CNTN5: variants seen among roughly 807,000 people sequenced by gnomAD.
CNTN5 encodes the protein contactin-5.
Under a neutral mutation model 129.1 loss-of-function variants are expected in CNTN5, and 77 were observed. The ratio of observed to expected loss-of-function variants is 0.60; its 90% CI spans 0.50 to 0.72. The LOEUF (loss-of-function observed/expected upper bound fraction) is 0.72, where lower values mean the gene tolerates loss of function less well. Ranked by LOEUF, CNTN5 falls within the 30% of genes least tolerant of loss-of-function variation. CNTN5 has a pLI of 0.00. For missense variants in CNTN5, 1,478 were observed against 1,328.8 expected (o/e 1.11, Z -1.75); for synonymous variants, 509 against 465.6 (o/e 1.09, Z -1.20).
intron 3 of CNTN5, among the ~76,000 whole-genome samples, chr11:99,567,656 A>G (rs1020549122): frequency 6.6e-6 from 1 of 152,188 alleles, no homozygotes; most frequent in Admixed American, 6.5e-5. Context: ...TCCCTGCTGC[A>G]GTTGAGAAAG....
At chr11:100,226,079 C>T (rs976341121) in intron 16 of CNTN5, among the ~76,000 whole-genome samples, 4 of 152,146 alleles carry the variant, frequency 2.6e-5, no homozygotes, top group Admixed American at 2.6e-4. Context: ...TTATATCTAG[C>T]ATGTATATCT....
chr11:100,084,880 C>T (rs980741311), intron 13 of CNTN5, among the ~76,000 whole-genome samples: 1 of 152,034 alleles, frequency 6.6e-6, no homozygotes, highest in African/African-American at 2.4e-5. Flanking sequence ...TCTTTCTCTA[C>T]CCTCTGAAGG....
chr11:100,346,423 C>T (rs1480060640), intron 23 of CNTN5, among the ~76,000 whole-genome samples: 1 of 152,098 alleles, frequency 6.6e-6, no homozygotes, highest in East Asian at 1.9e-4. Context: ...TTTATCTCCA[C>T]CTTATTTTCT....
chr11:99,223,934 G>A (rs1027235312), intron 1 of CNTN5, among the ~76,000 whole-genome samples: 2 of 152,094 alleles, frequency 1.3e-5, no homozygotes, highest in Admixed American at 1.3e-4. Flanking sequence ...ATAGGACATT[G>A]TTGTCCAAGT....
intron 6 of CNTN5, among the ~76,000 whole-genome samples, chr11:99,910,735 T>G (rs1949636951): frequency 6.6e-6 from 1 of 152,134 alleles, no homozygotes; most frequent in African/African-American, 2.4e-5. Context: ...TGTTAGTAGC[T>G]AGTGTAACTA....
In CNTN5 at chr11:99,104,857, T is replaced by A. The variant is rs1002493928; in HGVS notation, c.-210+83587T>A. Among the ~76,000 whole-genome samples, 5 of 152,222 alleles carry A rather than the reference T, an allele frequency of 3.3e-5. No individual in the cohort carries two copies. In the South Asian group the frequency reaches 8.3e-4, roughly 25 times the overall value. Reference sequence around the variant, plus strand: ...AACAATATTTTAATGCAATATTTTTTAAAAATTAAAAATTATACTAAAATT... The same window carrying A: ...AACAATATTTTAATGCAATATTTTTAAAAAATTAAAAATTATACTAAAATT... On this transcript the variant is annotated intron_variant, in intron 1 of 24. Coordinates refer to ENST00000524871, the MANE Select transcript of CNTN5 (RefSeq NM_014361.4).
At chr11:100,217,343 T>C (rs1949161110) in intron 15 of CNTN5, among the ~76,000 whole-genome samples, 1 of 152,328 alleles carries the variant, frequency 6.6e-6, no homozygotes, top group East Asian at 1.9e-4. Flanking sequence ...CTTGCTATGA[T>C]AAAGAAGAAC....
In CNTN5 at chr11:99,251,208, T is replaced by C. The variant is rs577572106; in HGVS notation, c.-209-74138T>C. ...GAAAACAGGTTATTTATATGTTTTA[T>C]TTTGCTGTCTCATCTTCCTCCCCAT... On this transcript the variant is annotated intron_variant, in intron 1 of 24. Transcript: ENST00000524871. 3.3e-5 allele frequency among the ~76,000 whole-genome samples: 5 copies of C among 152,018 alleles called. No individual in the cohort carries two copies. In the East Asian group the frequency reaches 9.7e-4, roughly 29 times the overall value.
chr11:99,043,534 G>T (rs147217583), intron 1 of CNTN5, among the ~76,000 whole-genome samples: 24 of 152,216 alleles, frequency 1.6e-4, no homozygotes, highest in African/African-American at 5.3e-4. Context: ...TTGAGGAATG[G>T]CTATTTGCCA....
intron 3 of CNTN5, among the ~76,000 whole-genome samples, chr11:99,766,931 A>C (rs1279963028): frequency 1.3e-5 from 2 of 152,068 alleles, no homozygotes; most frequent in Non-Finnish European, 2.9e-5. Flanking sequence ...GTGTTTTGGC[A>C]TCCTTCTTAA....
At chr11:100,159,092 T>G (rs1166131251) in intron 13 of CNTN5, among the ~76,000 whole-genome samples, 2 of 151,862 alleles carry the variant, frequency 1.3e-5, no homozygotes, top group African/African-American at 4.8e-5. Flanking sequence ...TGCAATTCTA[T>G]TCACCTAAAG....
Position 100,326,101 on chromosome 11 carries a change from A to G in CNTN5, c.2731-14362A>G, listed in dbSNP as rs9971388. On this transcript the variant is annotated intron_variant, in intron 21 of 24. Transcript: ENST00000524871. ...GTGACTAAAATATTCATTGGAAGCA[A>G]TAAGATGTAAACTTGATAGTATTAA... 2.3e-3 allele frequency among the ~76,000 whole-genome samples: 350 copies of G among 152,320 alleles called. 2 individuals are homozygous for G. Among genetic ancestry groups the G allele is most frequent in the African/African-American group, 8.0e-3 (331 of 41,588 alleles).
intron 1 of CNTN5, among the ~76,000 whole-genome samples, chr11:99,203,833 G>A (rs1859341193): frequency 6.6e-6 from 1 of 152,044 alleles, no homozygotes; most frequent in South Asian, 2.1e-4. Context: ...CCTGACCTCA[G>A]GTGATCCACC....
At chr11:100,121,297 T>TAA (rs943133706) in intron 13 of CNTN5, among the ~76,000 whole-genome samples, 8 of 152,128 alleles carry the variant, frequency 5.3e-5, no homozygotes, top group African/African-American at 1.9e-4. Flanking sequence ...ATTGGATCCA[T>TAA]AAAGTAGACA....
At chr11:99,477,767 T>C (rs1945433173) in intron 2 of CNTN5, among the ~76,000 whole-genome samples, 1 of 149,582 alleles carries the variant, frequency 6.7e-6, no homozygotes, top group South Asian at 2.1e-4. Flanking sequence ...CTGGCCAATA[T>C]AGTGAGACCC....
intron 6 of CNTN5, among the ~76,000 whole-genome samples, chr11:99,897,823 C>A (rs1321840321): frequency 2.0e-5 from 3 of 152,086 alleles, no homozygotes. Context: ...AAATGACCTA[C>A]ATACCCCACT....
chr11:99,183,416 A>G (rs1858180542), intron 1 of CNTN5, among the ~76,000 whole-genome samples: 1 of 152,154 alleles, frequency 6.6e-6, no homozygotes, highest in Non-Finnish European at 1.5e-5. Flanking sequence ...CATTATAACT[A>G]TTGTTGCTGC....
At chr11:99,082,016 G>A (rs981704306) in intron 1 of CNTN5, among the ~76,000 whole-genome samples, 5 of 97,240 alleles carry the variant, frequency 5.1e-5, no homozygotes, top group South Asian at 3.9e-4. Context: ...AGAAACAAAT[G>A]TTTGCAATTC....
rs557787814 is a variant in CNTN5 at position 99,855,973 on chromosome 11, A to G, written c.577+10711A>G. Reference sequence around the variant, plus strand: ...AATATACTCTTTCCATAATTCTCTAACATCCAGTGAAAAAGTCTCATGATG... The same window carrying G: ...AATATACTCTTTCCATAATTCTCTAGCATCCAGTGAAAAAGTCTCATGATG... On this transcript the variant is annotated intron_variant, in intron 6 of 24. Transcript: ENST00000524871. Among the ~76,000 whole-genome samples the G allele has an allele frequency of 2.0e-5, 3 of 152,282 alleles. No homozygotes were observed. The South Asian group carries it at 6.2e-4, about 32-fold the overall frequency.
Sources: gnomAD v4.1 joint callset for allele counts (sites outside exome capture counted in the v4.1 genomes callset) on GRCh38, gnomAD v4.1.1 for gene constraint, MANE v1.5 for transcripts, NCBI Gene and HGNC (gene_info 2026-07-23, HGNC 2026-07-21) for gene names.